KIF20B: variants seen among roughly 807,000 people sequenced by gnomAD.
KIF20B encodes the protein kinesin family member 20B.
In KIF20B, 188 loss-of-function variants were observed where a neutral mutation model predicts 232.5. That is an observed-to-expected ratio of 0.81 (90% CI 0.72 to 0.91). The LOEUF is 0.91. Among genes scored for constraint, KIF20B ranks in the 40% least tolerant of loss-of-function variants. The pLI is 0.00. For synonymous variants in KIF20B, 712 were observed against 683.0 expected, an observed-to-expected ratio of 1.04 and a Z score of -0.66; for missense variants, 2,154 against 2,055.9, an observed-to-expected ratio of 1.05 and a Z score of -0.92.
intron 28 of KIF20B, among the ~76,000 whole-genome samples, chr10:89,761,664 G>T (rs1269681326): frequency 6.6e-6 from 1 of 152,082 alleles, no homozygotes; most frequent in Non-Finnish European, 1.5e-5. Flanking sequence ...TTTTCTCTTG[G>T]TTTTTCCTTG....
At chr10:89,707,936 C>T (rs903869493) in intron 2 of KIF20B, among the ~76,000 whole-genome samples, 2 of 152,122 alleles carry the variant, frequency 1.3e-5, no homozygotes, top group Admixed American at 1.3e-4. Flanking sequence ...TTCATTTATT[C>T]TTTTAATATG....
In KIF20B at chr10:89,737,408, C is replaced by T. The variant is rs370484351; in HGVS notation, c.2567C>T (p.Ala856Val). The T allele has an allele frequency of 7.6e-6, 12 of 1,579,016 alleles. No homozygotes were observed. The highest frequency in any genetic ancestry group is 8.6e-6 in the Non-Finnish European group (10 of 1,168,024). The change falls in exon 20 of 33, where the codon GCT becomes GTT. Residue 856 changes from alanine (A) to valine (V), a missense_variant. Transcript: ENST00000371728. ...AKKGSIHVSSAITEDQKKSEE... is the reference protein window; with the variant it reads ...AKKGSIHVSSVITEDQKKSEE... ...AAAGGGTCTATCCATGTTAGTTCAG[C>T]TATCACTGAAGACCAAAAGAAAAGT...
intron 18 of KIF20B, among the ~76,000 whole-genome samples, chr10:89,731,950 G>T (rs1021088845): frequency 6.6e-6 from 1 of 152,158 alleles, no homozygotes; most frequent in African/African-American, 2.4e-5. Flanking sequence ...AATGTTTGCT[G>T]ATTAAGCGGC....
intron 17 of KIF20B, among the ~76,000 whole-genome samples, chr10:89,728,437 T>C (rs1004070332): frequency 1.3e-5 from 2 of 152,336 alleles, no homozygotes; most frequent in African/African-American, 4.8e-5. Flanking sequence ...CTTCAAGTGC[T>C]TTTTATTAAC....
At position 89,726,512 on chromosome 10, in the gene KIF20B, A is replaced by G. The variant is rs760527281; in HGVS notation, c.2221A>G (p.Arg741Gly). 1 of 1,587,882 alleles carries G rather than the reference A, an allele frequency of 6.3e-7. No homozygotes were observed. The highest frequency in any genetic ancestry group is 8.6e-7 in the Non-Finnish European group (1 of 1,165,994). The change falls in exon 16 of 33, where the codon AGA (arginine) becomes GGA (glycine). Residue 741 changes from arginine to glycine, a missense_variant. Transcript: ENST00000371728. ...CAAAACCAAAGAAGAGTTAAAAAAG[A>G]GAGAAAATGGTAAGTGGATACATTT... ...LIKTKEELKKRENESDSLIQE... is the reference protein window; with the variant it reads ...LIKTKEELKKGENESDSLIQE...
At chr10:89,763,262 T>C (rs993523150) in intron 29 of KIF20B, among the ~76,000 whole-genome samples, 2 of 152,222 alleles carry the variant, frequency 1.3e-5, no homozygotes, top group East Asian at 1.9e-4. Flanking sequence ...GCCTGGGTGA[T>C]AGAGCGAGAC....
At chr10:89,739,922 A>G (rs879860294) in intron 21 of KIF20B, among the ~76,000 whole-genome samples, 2 of 152,098 alleles carry the variant, frequency 1.3e-5, no homozygotes, top group Admixed American at 1.3e-4. Flanking sequence ...TCACCTCTGT[A>G]TAGTATTCTG....
chr10:89,735,018 A>G (rs1195319241), intron 19 of KIF20B, among the ~76,000 whole-genome samples: 2 of 152,224 alleles, frequency 1.3e-5, no homozygotes, highest in Non-Finnish European at 2.9e-5. Context: ...AGGAATCTGC[A>G]TTTTAATAAG....
chr10:89,705,548 G>A, intron 2 of KIF20B, 107 bp downstream of exon 2: 1 of 896,008 alleles, frequency 1.1e-6, no homozygotes, highest in South Asian at 2.1e-5. Flanking sequence ...TTAGATACAA[G>A]CTAAGAATTG....
At chr10:89,758,964 T>G (rs1001507438) in intron 27 of KIF20B, 82 bp downstream of exon 27, 3 of 845,608 alleles carry the variant, frequency 3.5e-6, no homozygotes, top group Non-Finnish European at 5.0e-6. Flanking sequence ...TAAAAAAGTG[T>G]AAGTCTCAAT....
chr10:89,755,898 G>A (rs562150583), intron 26 of KIF20B, among the ~76,000 whole-genome samples: 9 of 152,184 alleles, frequency 5.9e-5, no homozygotes, highest in East Asian at 1.9e-4. Flanking sequence ...CATTGTACCC[G>A]GCCTGAAATG....
intron 23 of KIF20B, 109 bp from the exon 24 acceptor site, chr10:89,751,237 T>C (rs1842016424): frequency 1.1e-6 from 1 of 871,196 alleles, no homozygotes; most frequent in African/African-American, 1.7e-5. Flanking sequence ...TATATGGAAC[T>C]AATATTCTAT....
chr10:89,742,934 C>T (rs1429095919), intron 21 of KIF20B, among the ~76,000 whole-genome samples: 3 of 152,202 alleles, frequency 2.0e-5, no homozygotes, highest in African/African-American at 7.2e-5. Context: ...ATCTCCTGAC[C>T]TCGTGATCCA....
At chr10:89,743,974 A>T in intron 22 of KIF20B, 47 bp downstream of exon 22, 1 of 1,503,738 alleles carries the variant, frequency 6.7e-7, no homozygotes, top group Admixed American at 2.2e-5. Flanking sequence ...TTCTCTTGGT[A>T]TATTTTAGTG....
intron 23 of KIF20B, among the ~76,000 whole-genome samples, chr10:89,748,045 T>C (rs181247902): frequency 2.4e-4 from 36 of 152,342 alleles, no homozygotes; most frequent in Middle Eastern, 3.4e-3. Context: ...GATTCGCTCT[T>C]GTCATCCAGG....
At chr10:89,721,570 T>C (rs1303473961) in intron 13 of KIF20B, among the ~76,000 whole-genome samples, 2 of 152,212 alleles carry the variant, frequency 1.3e-5, no homozygotes, top group East Asian at 1.9e-4. Flanking sequence ...CTTGGGAGGC[T>C]GCAGTGGGAA....
chr10:89,760,042 T>C (rs1842205709), intron 27 of KIF20B, among the ~76,000 whole-genome samples: 1 of 152,186 alleles, frequency 6.6e-6, no homozygotes, highest in Non-Finnish European at 1.5e-5. Flanking sequence ...TGGTCTTTTG[T>C]ACTGTAATGC....
intron 11 of KIF20B, 62 bp from the exon 12 acceptor site, chr10:89,718,648 A>G (rs1409186304): frequency 4.5e-5 from 57 of 1,278,080 alleles, no homozygotes; most frequent in Non-Finnish European, 6.4e-5. Flanking sequence ...AAAATGTCTC[A>G]GCACCCTGAT....
intron 21 of KIF20B, among the ~76,000 whole-genome samples, chr10:89,740,687 G>GTCTTA (rs1841778373): frequency 1.3e-5 from 2 of 151,948 alleles, no homozygotes; most frequent in African/African-American, 2.4e-5. Context: ...TTGGGACAGG[G>GTCTTA]TCTTACTCTG....
Sources: gnomAD v4.1 joint callset for allele counts (sites outside exome capture counted in the v4.1 genomes callset) on GRCh38, gnomAD v4.1.1 for gene constraint, MANE v1.5 for transcripts, NCBI Gene and HGNC (gene_info 2026-07-23, HGNC 2026-07-21) for gene names.